The following ATP6V1B1 variants were observed in gnomAD, a reference collection of about 807,000 sequenced individuals.
The protein encoded by ATP6V1B1 is V-type proton ATPase subunit B, kidney isoform.
ATP6V1B1 carries 41 observed loss-of-function variants against 62.1 expected under a neutral mutation model. The ratio of observed to expected loss-of-function variants is 0.66; its 90% CI spans 0.51 to 0.86. The LOEUF (loss-of-function observed/expected upper bound fraction) is 0.86. ATP6V1B1 is among the 40% of genes least tolerant of loss of function. The pLI, the probability that ATP6V1B1 is intolerant of heterozygous loss-of-function variation, is 0.00. For synonymous variants in ATP6V1B1, 253 were observed against 273.4 expected, an observed-to-expected ratio of 0.93 and a Z score of 0.74; for missense variants, 651 against 697.5, an observed-to-expected ratio of 0.93 and a Z score of 0.75.
At chr2:70,950,463 G>T (rs555775064) in intron 2 of ATP6V1B1, among the ~76,000 whole-genome samples, 18 of 151,692 alleles carry the variant, frequency 1.2e-4, no homozygotes, top group Non-Finnish European at 2.5e-4. Flanking sequence ...TCATTGTTTA[G>T]GACTTGTTTT....
chr2:70,960,355 A>G (rs1680557057), intron 6 of ATP6V1B1, among the ~76,000 whole-genome samples: 1 of 152,082 alleles, frequency 6.6e-6, no homozygotes, highest in South Asian at 2.1e-4. Context: ...AGCCCCTACC[A>G]CCATCCCTGC....
intron 2 of ATP6V1B1, among the ~76,000 whole-genome samples, chr2:70,945,701 GATATATAT>G (rs35710919): frequency 0.11 from 8,859 of 83,094 alleles, 519 homozygotes; most frequent in South Asian, 0.25. Context: ...TATTTGAAGA[GATATATAT>G]ATATATATAT....
rs1553419986 is a variant in ATP6V1B1, at chr2:70,961,021, G to A, written c.686G>A (p.Gly229Glu). 1 of 1,579,392 alleles carries A rather than the reference G, an allele frequency of 6.3e-7. No individual in the cohort carries two copies. The highest frequency in any genetic ancestry group is 8.6e-7 in the Non-Finnish European group (1 of 1,162,358). The change falls in exon 7 of 14, where the codon GGG (glycine) becomes GAG (glutamate). Residue 229 changes from glycine (G) to glutamate (E), a missense_variant and splice_region_variant. Coordinates refer to ENST00000234396, the MANE Select transcript of ATP6V1B1 (RefSeq NM_001692.4). Reference sequence around the variant, plus strand: ...TTCGCCATCGTCTTTGCAGCCATGGGGGTGAGGAGACTTAGTAGACTGGCA... The same window carrying A: ...TTCGCCATCGTCTTTGCAGCCATGGAGGTGAGGAGACTTAGTAGACTGGCA... ...DNFAIVFAAM[G>E]VNMETARFFK... is the part of the protein sequence containing the mutation.
At chr2:70,940,907 C>CTTTTTTTTTTTTTTTTTTTTTTT (rs782110711) in intron 1 of ATP6V1B1, 14 of 685,728 alleles carry the variant, frequency 2.0e-5, no homozygotes, top group African/African-American at 2.7e-5. Context: ...TTTTCTTTTT[C>CTTTTTTTTTTTTTTTTTTTTTTT]TTTTTCTTTT....
At chr2:70,964,685 G>A in intron 12 of ATP6V1B1, 51 bp from the exon 13 acceptor site, 1 of 1,612,676 alleles carries the variant, frequency 6.2e-7, no homozygotes, top group Non-Finnish European at 8.5e-7. Context: ...GGGGCTACTG[G>A]ACTCCCGTGG....
intron 2 of ATP6V1B1, among the ~76,000 whole-genome samples, chr2:70,955,071 G>A (rs1215327893): frequency 6.6e-6 from 1 of 152,218 alleles, no homozygotes; most frequent in Non-Finnish European, 1.5e-5. Flanking sequence ...ACAGACAGCA[G>A]AGCTCAGGGA....
chr2:70,936,271 G>A (rs1195747024), intron 1 of ATP6V1B1, among the ~76,000 whole-genome samples, 199 bp downstream of exon 1: 1 of 152,142 alleles, frequency 6.6e-6, no homozygotes, highest in Non-Finnish European at 1.5e-5. Context: ...AAGGGTTGCA[G>A]GTCCCCAGCC....
In ATP6V1B1 at chr2:70,958,406, C is replaced by T. The variant is rs782443411; in HGVS notation, c.347C>T (p.Pro116Leu). The T allele has an allele frequency of 1.2e-5, 18 of 1,472,110 alleles. No homozygotes were observed. Among genetic ancestry groups the T allele is most frequent in the Middle Eastern group, 1.8e-4 (1 of 5,430 alleles). 91.2% of individuals were successfully genotyped at this position (1,472,110 alleles called of 1,614,324 possible). A position where few individuals can be genotyped will look rare whatever the true frequency, so the allele number is the denominator to read the frequency against. ...CEFTGDILRT[P>L]VSEDMLGRVF... is the part of the protein sequence containing the mutation. The stretch of plus-strand genomic sequence containing the variant: ...TTTACAGGGGACATCCTACGAACTC[C>T]GGTGTCAGAGGACATGCTGGGTGAG... Residue 116 changes from proline (P) to leucine (L), a missense_variant, in exon 4 of 14, where the codon CCG (proline) becomes CTG (leucine). Pro to Leu is a moderately conservative substitution (Grantham distance 98). Transcript: ENST00000234396.
intron 2 of ATP6V1B1, 146 bp from the exon 3 acceptor site, chr2:70,957,900 T>C: frequency 3.8e-6 from 3 of 790,974 alleles, no homozygotes; most frequent in Middle Eastern, 3.4e-4. Context: ...AAACTTTCAC[T>C]TCCCAGCCCC....
At chr2:70,943,430 C>G (rs1680056956) in intron 1 of ATP6V1B1, 1 of 671,064 alleles carries the variant, frequency 1.5e-6, no homozygotes, top group South Asian at 1.6e-5. Context: ...TGCCCTCTGC[C>G]TGGCCCTCCC....
intron 2 of ATP6V1B1, among the ~76,000 whole-genome samples, chr2:70,951,103 T>C (rs1680314745): frequency 2.0e-5 from 3 of 151,364 alleles, no homozygotes; most frequent in Admixed American, 2.0e-4. Flanking sequence ...CTACCACGCC[T>C]GGCTAATTTT....
chr2:70,962,765 C>T lies in ATP6V1B1; in HGVS notation c.786-12C>T, dbSNP rs782139179. The T allele has an allele frequency of 1.9e-6, 3 of 1,613,412 alleles. No homozygotes were observed. The highest frequency in any genetic ancestry group is 3.3e-4 in the Middle Eastern group (2 of 6,062). Reference sequence around the variant, plus strand: ...GCCTCCAGGCTCTCTAAACACCTGGCTACACCTCCAGGATCGAGCGGATCA... The same window carrying T: ...GCCTCCAGGCTCTCTAAACACCTGGTTACACCTCCAGGATCGAGCGGATCA... On this transcript the variant is annotated splice_polypyrimidine_tract_variant and intron_variant, in intron 8 of 13. Transcript: ENST00000234396.
intron 6 of ATP6V1B1, 120 bp downstream of exon 6, chr2:70,960,198 CCA>C (rs1680553259): frequency 5.5e-6 from 8 of 1,459,052 alleles, no homozygotes; most frequent in Non-Finnish European, 6.5e-6. Context: ...GCTGGGGTCG[CCA>C]GCATCGAGAC....
chr2:70,947,164 G>T (rs1572911966), intron 2 of ATP6V1B1, among the ~76,000 whole-genome samples: 1 of 152,250 alleles, frequency 6.6e-6, no homozygotes. Flanking sequence ...TTGAAATTGT[G>T]TGCAGACCTT....
rs146021231 is a variant in ATP6V1B1 at position 70,944,391 on chromosome 2, ACCAAC to A, written c.174+680_174+684del. On this transcript the variant is annotated intron_variant, in intron 2 of 13. Coordinates refer to ENST00000234396, the MANE Select transcript of ATP6V1B1 (RefSeq NM_001692.4). ...AAGATCACTCTCTTATCCTCCCTCCACCAACCAGCCCCACTCCCTCAGCCTCCCAC... is the reference window on the plus strand; with the variant it reads ...AAGATCACTCTCTTATCCTCCCTCCACAGCCCCACTCCCTCAGCCTCCCAC... Among the ~76,000 whole-genome samples, 1,085 of 151,654 alleles carry A rather than the reference ACCAAC, an allele frequency of 7.2e-3. 5 individuals carry two copies. Among genetic ancestry groups the A allele is most frequent in the Admixed American group, 8.7e-3 (132 of 15,212 alleles).
chr2:70,953,925 G>A (rs1680375398), intron 2 of ATP6V1B1, among the ~76,000 whole-genome samples: 1 of 152,102 alleles, frequency 6.6e-6, no homozygotes, highest in Non-Finnish European at 1.5e-5. Context: ...TTTCTCAAAT[G>A]TGTTGCATAA....
At position 70,941,913 on chromosome 2, in the gene ATP6V1B1, C is replaced by T. The variant is rs2104802027; in HGVS notation, c.119-1745C>T. On this transcript the variant is annotated intron_variant, in intron 1 of 13. Coordinates refer to ENST00000234396, the MANE Select transcript of ATP6V1B1 (RefSeq NM_001692.4). The stretch of plus-strand genomic sequence containing the variant: ...CTCTGAGTGTAGCCATCGGAGGCCA[C>T]TGAAGCCAGAGTGGAGAAGGCCAAG... 4 of 989,744 alleles carry T rather than the reference C, an allele frequency of 4.0e-6. No homozygotes were observed. In the South Asian group the frequency reaches 1.9e-4, roughly 46 times the overall value. The allele number at this position is 989,744 out of a possible 1,614,324, so 61.3% of individuals were successfully genotyped here.
Position 70,959,008 on chromosome 2 carries a change from C to T in ATP6V1B1, c.368-10C>T. ...CTGAGCACCCTGCAACACTCCTCGT[C>T]CACCCTCAGGTCGGGTTTTCAATGG... On this transcript the variant is annotated splice_polypyrimidine_tract_variant and intron_variant, in intron 4 of 13. Coordinates refer to ENST00000234396, the MANE Select transcript of ATP6V1B1 (RefSeq NM_001692.4). This position sits in a 1 kb window ranked among gnomAD's most constrained non-coding sequence, Gnocchi z 4.2. The T allele has an allele frequency of 1.9e-6, 3 of 1,613,964 alleles. No homozygotes were observed. The highest frequency in any genetic ancestry group is 2.5e-6 in the Non-Finnish European group (3 of 1,179,938).
chr2:70,962,753 C>T (rs1445192429), intron 8 of ATP6V1B1, 24 bp from the exon 9 acceptor site: 6 of 1,612,704 alleles, frequency 3.7e-6, no homozygotes, highest in Non-Finnish European at 5.1e-6. Flanking sequence ...TCCAGGCTCT[C>T]TAAACACCTG....
Sources: allele counts gnomAD v4.1 joint callset (sites outside exome capture counted in the v4.1 genomes callset), GRCh38; gene constraint gnomAD v4.1.1; non-coding constraint Gnocchi (gnomAD v3.1); transcripts MANE v1.5; gene names NCBI Gene and HGNC (gene_info 2026-07-23, HGNC 2026-07-21).